The following NME7 variants were observed in gnomAD, a reference collection of about 807,000 sequenced individuals.
NME7 encodes NME/NM23 family member 7.
Under a neutral mutation model 49.1 loss-of-function variants are expected in NME7, and 41 were observed. The observed-to-expected ratio is 0.83, with a 90% CI of 0.65 to 1.08. The LOEUF is 1.08. Among genes scored for constraint, NME7 ranks in the 50% least tolerant of loss-of-function variants. The pLI, the probability that NME7 is intolerant of heterozygous loss-of-function variation, is 0.00. For missense variants in NME7, 423 were observed against 463.4 expected, an observed-to-expected ratio of 0.91 and a Z score of 0.80; for synonymous variants, 139 against 150.6, an observed-to-expected ratio of 0.92 and a Z score of 0.56.
intron 10 of NME7, among the ~76,000 whole-genome samples, chr1:169,206,992 G>A (rs1287689898): frequency 6.6e-6 from 1 of 152,034 alleles, no homozygotes; most frequent in Non-Finnish European, 1.5e-5. Flanking sequence ...CCTTGTCTTA[G>A]TCCGTTTGCA....
At chr1:169,248,925 G>A (rs1430785030) in intron 7 of NME7, among the ~76,000 whole-genome samples, 1 of 121,648 alleles carries the variant, frequency 8.2e-6, no homozygotes, top group African/African-American at 3.1e-5. Flanking sequence ...CTGTTTTCTT[G>A]TTTGTTTGTT....
At chr1:169,359,514 A>G (rs1331835656) in intron 1 of NME7, among the ~76,000 whole-genome samples, 2 of 152,038 alleles carry the variant, frequency 1.3e-5, no homozygotes, top group East Asian at 1.9e-4. Flanking sequence ...CCAGGATATT[A>G]CACAAAAATA....
At chr1:169,169,670 G>T in intron 10 of NME7, 116 bp from the exon 11 acceptor site, 1 of 842,064 alleles carries the variant, frequency 1.2e-6, no homozygotes. Context: ...TATAGACAGT[G>T]CTTATAAGGG....
At chr1:169,348,804 A>C (rs1411650160) in intron 1 of NME7, among the ~76,000 whole-genome samples, 3 of 152,136 alleles carry the variant, frequency 2.0e-5, no homozygotes, top group Non-Finnish European at 4.4e-5. Context: ...TTCCTGAAAA[A>C]AATGTATATC....
chr1:169,354,505 T>C (rs1308749280), intron 1 of NME7, among the ~76,000 whole-genome samples: 2 of 151,712 alleles, frequency 1.3e-5, no homozygotes, highest in Admixed American at 6.6e-5. Flanking sequence ...TTATACATTT[T>C]AAAATAACTA....
intron 7 of NME7, among the ~76,000 whole-genome samples, chr1:169,257,340 G>A (rs892716452): frequency 3.7e-5 from 5 of 134,314 alleles, no homozygotes; most frequent in African/African-American, 1.0e-4. Flanking sequence ...GGTGCTGTCC[G>A]GCATCCCTTT....
At chr1:169,349,125 ATAAGT>A (rs1653058726) in intron 1 of NME7, among the ~76,000 whole-genome samples, 2 of 151,968 alleles carry the variant, frequency 1.3e-5, no homozygotes, top group African/African-American at 4.8e-5. Context: ...TTTTTAAAGA[ATAAGT>A]TAATAAGTTT....
intron 1 of NME7, among the ~76,000 whole-genome samples, chr1:169,365,797 G>A (rs10919152): frequency 0.059 from 8,947 of 152,176 alleles, 343 homozygotes; most frequent in East Asian, 0.12. Flanking sequence ...AAATAATCAC[G>A]AAATGAGGAG....
intron 11 of NME7, among the ~76,000 whole-genome samples, chr1:169,162,287 G>A (rs1270663279): frequency 6.6e-6 from 1 of 152,048 alleles, no homozygotes; most frequent in African/African-American, 2.4e-5. Flanking sequence ...TGTGCAGGGG[G>A]CAGGAAGAAC....
At chr1:169,196,255 C>T (rs1018832) in intron 10 of NME7, among the ~76,000 whole-genome samples, 13,859 of 152,226 alleles carry the variant, frequency 0.091, 764 homozygotes, top group Admixed American at 0.19. Context: ...TATCACAGAA[C>T]AGTATTTGTT....
intron 1 of NME7, among the ~76,000 whole-genome samples, chr1:169,358,797 C>T (rs575431533): frequency 2.6e-5 from 4 of 151,974 alleles, no homozygotes; most frequent in East Asian, 3.8e-4. Context: ...GAAACAGGCA[C>T]CATGGTATAC....
At chr1:169,339,826 C>T (rs1464562905) in intron 1 of NME7, among the ~76,000 whole-genome samples, 1 of 152,190 alleles carries the variant, frequency 6.6e-6, no homozygotes. Context: ...CCAGTGGCTA[C>T]AAATCAAAGG....
chr1:169,208,278 T>C (rs1052275943), intron 10 of NME7, among the ~76,000 whole-genome samples: 1 of 152,190 alleles, frequency 6.6e-6, no homozygotes, highest in African/African-American at 2.4e-5. Flanking sequence ...CAAAGGTGTC[T>C]TGTTCATGTT....
At chr1:169,275,303 C>A (rs548415322) in intron 7 of NME7, among the ~76,000 whole-genome samples, 1 of 128,292 alleles carries the variant, frequency 7.8e-6, no homozygotes, top group East Asian at 2.0e-4. Flanking sequence ...CGGTGAAACC[C>A]CGTCTCTACT....
At chr1:169,348,914 T>C (rs1286945452) in intron 1 of NME7, among the ~76,000 whole-genome samples, 1 of 151,928 alleles carries the variant, frequency 6.6e-6, no homozygotes, top group Non-Finnish European at 1.5e-5. Context: ...AAAAAAATTT[T>C]AAACATCGTG....
intron 1 of NME7, among the ~76,000 whole-genome samples, chr1:169,358,397 A>G (rs976027427): frequency 6.6e-6 from 1 of 152,106 alleles, no homozygotes; most frequent in Non-Finnish European, 1.5e-5. Flanking sequence ...TAAGTGCTTA[A>G]GCCAGGACTG....
intron 1 of NME7, among the ~76,000 whole-genome samples, chr1:169,343,696 T>C (rs1652858157): frequency 6.6e-6 from 1 of 152,148 alleles, no homozygotes; most frequent in Non-Finnish European, 1.5e-5. Context: ...GGCTTCACCA[T>C]GTTGGCCGGG....
intron 1 of NME7, among the ~76,000 whole-genome samples, chr1:169,332,701 A>C (rs1203063709): frequency 1.3e-5 from 2 of 152,138 alleles, no homozygotes; most frequent in East Asian, 3.8e-4. Flanking sequence ...ATACAAATGG[A>C]AAATAAGCAT....
chr1:169,177,859 CAG>C (rs1659802650), intron 10 of NME7, among the ~76,000 whole-genome samples: 1 of 151,896 alleles, frequency 6.6e-6, no homozygotes, highest in Non-Finnish European at 1.5e-5. Flanking sequence ...TTTTTTGAGA[CAG>C]AGTCTAGCTC....
Sources: allele counts gnomAD v4.1 joint callset (sites outside exome capture counted in the v4.1 genomes callset), GRCh38; gene constraint gnomAD v4.1.1; transcripts MANE v1.5; gene names NCBI Gene and HGNC (gene_info 2026-07-23, HGNC 2026-07-21).